Variants in CDH23 observed in about 807,000 individuals in gnomAD.
CDH23 encodes cadherin related 23.
A neutral mutation model predicts 317.1 loss-of-function variants in CDH23; 189 were observed. The ratio of observed to expected loss-of-function variants is 0.60; its 90% confidence interval spans 0.53 to 0.67. The LOEUF (loss-of-function observed/expected upper bound fraction) is 0.67. CDH23 is among the 30% of genes least tolerant of loss of function. The probability of loss-of-function intolerance (pLI) is 0.00; values close to 1 mark genes in which losing one functional copy is unlikely to be tolerated. For synonymous variants in CDH23, 1,839 were observed against 1,876.8 expected (o/e 0.98, Z 0.52); for missense variants, 4,401 against 4,592.4 (o/e 0.96, Z 1.20).
chr10:71,652,095 G>A (rs1403186949), intron 14 of CDH23, among the ~76,000 whole-genome samples: 1 of 152,224 alleles, frequency 6.6e-6, no homozygotes, highest in African/African-American at 2.4e-5. Context: ...GAAAGGAGAG[G>A]CCCTGAAAAG....
chr10:71,570,744 C>T, intron 7 of CDH23, 46 bp from the exon 8 acceptor site: 2 of 1,563,136 alleles, frequency 1.3e-6, no homozygotes, highest in East Asian at 2.4e-5. Context: ...GTGAGTGTCC[C>T]CACCATCACT....
At chr10:71,718,094 G>C (rs1014458160) in intron 28 of CDH23, among the ~76,000 whole-genome samples, 1 of 152,122 alleles carries the variant, frequency 6.6e-6, no homozygotes, top group South Asian at 2.1e-4. Flanking sequence ...TTTTCATGAG[G>C]GTGGGGGATA....
chr10:71,662,218 G>A (rs1251878800), intron 14 of CDH23, among the ~76,000 whole-genome samples: 1 of 152,086 alleles, frequency 6.6e-6, no homozygotes, highest in Non-Finnish European at 1.5e-5. Flanking sequence ...TTGCCATTTA[G>A]GGAGACAACA....
chr10:71,475,994 T>A (rs1016728971), intron 3 of CDH23, among the ~76,000 whole-genome samples: 3 of 152,200 alleles, frequency 2.0e-5, no homozygotes, highest in Non-Finnish European at 4.4e-5. Flanking sequence ...CTGAGATGGT[T>A]TCTGAGGTCC....
intron 11 of CDH23, among the ~76,000 whole-genome samples, chr10:71,629,903 G>A (rs1314186506): frequency 6.6e-6 from 1 of 152,204 alleles, no homozygotes; most frequent in Non-Finnish European, 1.5e-5. Context: ...GATAGAGGGA[G>A]TAGTGGTTGT....
chr10:71,599,801 G>C (rs150126029), intron 9 of CDH23, among the ~76,000 whole-genome samples: 115 of 152,256 alleles, frequency 7.6e-4, no homozygotes, highest in Non-Finnish European at 1.4e-3. Flanking sequence ...GCTGTGTGTT[G>C]TTGACCAAGT....
intron 6 of CDH23, among the ~76,000 whole-genome samples, chr10:71,555,065 G>A (rs1856803627): frequency 6.6e-6 from 1 of 152,200 alleles, no homozygotes; most frequent in Non-Finnish European, 1.5e-5. Flanking sequence ...TGAGGGCACG[G>A]GGGTATGAGG....
intron 40 of CDH23, among the ~76,000 whole-genome samples, chr10:71,779,007 A>T (rs1205128163): frequency 6.6e-6 from 1 of 152,160 alleles, no homozygotes; most frequent in Non-Finnish European, 1.5e-5. Context: ...CAAAGTGCTG[A>T]GATTACAAGT....
At chr10:71,784,227 G>A in intron 41 of CDH23, 60 bp from the exon 42 acceptor site, 1 of 1,561,038 alleles carries the variant, frequency 6.4e-7, no homozygotes, top group South Asian at 1.2e-5. Context: ...AAGGAGTCCT[G>A]GGGTCTCCAC....
At chr10:71,735,337 G>C (rs750356088) in intron 34 of CDH23, among the ~76,000 whole-genome samples, 2 of 152,192 alleles carry the variant, frequency 1.3e-5, no homozygotes, top group African/African-American at 2.4e-5. Context: ...GCCCCTGGGG[G>C]AGGGGGGCCC....
intron 38 of CDH23, 146 bp from the exon 39 acceptor site, chr10:71,777,534 A>ACCTACC: frequency 2.9e-6 from 2 of 693,170 alleles, no homozygotes; most frequent in East Asian, 5.4e-5. Flanking sequence ...TCTCTCTACC[A>ACCTACC]GCCTGTGACC....
intron 3 of CDH23, among the ~76,000 whole-genome samples, chr10:71,492,640 C>A (rs928256547): frequency 2.6e-5 from 4 of 152,156 alleles, no homozygotes; most frequent in Non-Finnish European, 2.9e-5. Flanking sequence ...ATCCATTCAT[C>A]CATCATTTGT....
At chr10:71,666,451 G>A (rs1863900428) in intron 14 of CDH23, among the ~76,000 whole-genome samples, 1 of 152,094 alleles carries the variant, frequency 6.6e-6, no homozygotes, top group African/African-American at 2.4e-5. Context: ...CCCCAGGAAT[G>A]CCCATAAAGG....
Position 71,570,809 on chromosome 10 carries a change from C to T in CDH23, c.644C>T (p.Pro215Leu). 6.2e-7 allele frequency: 1 copy of T among 1,613,234 alleles called. No homozygotes were observed. The highest frequency in any genetic ancestry group is 8.5e-7 in the Non-Finnish European group (1 of 1,179,534). The change falls in exon 8 of 70, where the codon CCT becomes CTT. Residue 215 changes from proline to leucine, a missense_variant. Physicochemically the swap from Pro to Leu is moderately conservative, Grantham distance 98 (BLOSUM62 -3). Around this residue, in one of 3 missense-constraint regions of CDH23, gnomAD observed 3,068 missense variants for 3,203.3 expected, o/e 0.96. Transcript: ENST00000224721. Reference protein sequence around the residue: ...VNATDQDKTRPLSTLANLAII... With the variant: ...VNATDQDKTRLLSTLANLAII... ...TCTAAGGATCAAGACAAGACCAGGC[C>T]TCTGTCCACCCTGGCCAACTTGGCC...
chr10:71,559,575 C>T (rs945420188), intron 6 of CDH23, among the ~76,000 whole-genome samples: 2 of 152,108 alleles, frequency 1.3e-5, no homozygotes, highest in African/African-American at 4.8e-5. Flanking sequence ...AAAGCCAGTA[C>T]ACAGCTGGAA....
chr10:71,725,793 C>G (rs1187531825), intron 30 of CDH23, among the ~76,000 whole-genome samples: 1 of 152,166 alleles, frequency 6.6e-6, no homozygotes, highest in East Asian at 1.9e-4. Flanking sequence ...ACTGTACTAA[C>G]CCCTGTATCC....
At chr10:71,674,420 C>T (rs1038140137) in intron 14 of CDH23, among the ~76,000 whole-genome samples, 6 of 152,236 alleles carry the variant, frequency 3.9e-5, no homozygotes, top group Admixed American at 3.3e-4. Flanking sequence ...AAATATAAAA[C>T]AGATGCAAGT....
intron 1 of CDH23, among the ~76,000 whole-genome samples, chr10:71,412,059 A>G (rs1412068645): frequency 6.6e-6 from 1 of 152,206 alleles, no homozygotes; most frequent in Non-Finnish European, 1.5e-5. Flanking sequence ...GAATCATACA[A>G]TATTCATCCT....
chr10:71,584,574 G>GTGTGTGTGTGTGTGTA (rs1185955550), intron 9 of CDH23, among the ~76,000 whole-genome samples: 1 of 149,630 alleles, frequency 6.7e-6, no homozygotes, highest in African/African-American at 2.5e-5. Flanking sequence ...GTGTGTGTGT[G>GTGTGTGTGTGTGTGTA]TACGCAGGGA....
Sources: gnomAD v4.1 joint callset for allele counts (sites outside exome capture counted in the v4.1 genomes callset) on GRCh38, gnomAD v4.1.1 for gene constraint, gnomAD v4.1.1 regional missense constraint, MANE v1.5 for transcripts, NCBI Gene and HGNC (gene_info 2026-07-23, HGNC 2026-07-21) for gene names.